Variants in EPHA6 observed in about 807,000 individuals in gnomAD.
EPHA6 encodes EPH receptor A6.
A neutral mutation model predicts 112.0 loss-of-function variants in EPHA6; 50 were observed. The observed-to-expected ratio is 0.45, with a 90% CI of 0.36 to 0.56. The LOEUF (loss-of-function observed/expected upper bound fraction) is 0.56, where lower values mean the gene tolerates loss of function less well. Among genes scored for constraint, EPHA6 ranks in the 20% least tolerant of loss-of-function variants. EPHA6 has a pLI of 0.00. For missense variants in EPHA6, 1,280 were observed against 1,417.4 expected (o/e 0.90, Z 1.56); for synonymous variants, 529 against 490.7 (o/e 1.08, Z -1.03).
intron 5 of EPHA6, among the ~76,000 whole-genome samples, chr3:97,379,251 A>G (rs1176790059): frequency 1.3e-5 from 2 of 152,156 alleles, no homozygotes; most frequent in East Asian, 3.9e-4. Context: ...AGCCATGTGG[A>G]ACTGAAAGTC....
chr3:97,022,230 A>G (rs1674972697), intron 3 of EPHA6, among the ~76,000 whole-genome samples: 2 of 152,154 alleles, frequency 1.3e-5, no homozygotes, highest in African/African-American at 2.4e-5. Context: ...GAATATAGCA[A>G]TTGGTGTCTT....
chr3:96,862,665 C>G (rs1421829664), intron 1 of EPHA6, among the ~76,000 whole-genome samples: 2 of 151,764 alleles, frequency 1.3e-5, no homozygotes, highest in Non-Finnish European at 2.9e-5. Flanking sequence ...AGATGATCTT[C>G]TATTATATAC....
chr3:97,386,813 G>T (rs924383424), intron 5 of EPHA6, among the ~76,000 whole-genome samples: 1 of 152,152 alleles, frequency 6.6e-6, no homozygotes, highest in Non-Finnish European at 1.5e-5. Context: ...CCCTGCAACA[G>T]ACTTTCTGCC....
chr3:97,548,070 T>C (rs2092980596), intron 11 of EPHA6, among the ~76,000 whole-genome samples: 1 of 152,194 alleles, frequency 6.6e-6, no homozygotes, highest in African/African-American at 2.4e-5. Context: ...CTGTACCCAC[T>C]GTCCTGCACC....
Position 96,864,840 on chromosome 3 carries a change from C to A in EPHA6, c.386-1985C>A, listed in dbSNP as rs556602309. On this transcript the variant is annotated intron_variant, in intron 1 of 17. Coordinates refer to ENST00000389672, the MANE Select transcript of EPHA6 (RefSeq NM_001080448.3). ...ATGAGACAATAAAGAATATTGAACA[C>A]TGTCTGGATATGTCATTGCATTAAG... 2.6e-5 allele frequency among the ~76,000 whole-genome samples: 4 copies of A among 152,032 alleles called. No individual in the cohort carries two copies. In the East Asian group the frequency reaches 7.8e-4, roughly 30 times the overall value.
chr3:96,970,240 CACACACACACACACACACACACACACAA>C, intron 2 of EPHA6, among the ~76,000 whole-genome samples: 1 of 130,036 alleles, frequency 7.7e-6, no homozygotes, highest in African/African-American at 3.4e-5. Flanking sequence ...CCTCTTCATA[CACACACACACACACACACACACACACAA>C]ACACACACAC....
chr3:97,597,380 G>T (rs1004915330), intron 12 of EPHA6, among the ~76,000 whole-genome samples: 1 of 152,022 alleles, frequency 6.6e-6, no homozygotes, highest in Non-Finnish European at 1.5e-5. Context: ...AATAACAGGA[G>T]AATTATGAAC....
intron 14 of EPHA6, among the ~76,000 whole-genome samples, chr3:97,705,452 C>T (rs1323849159): frequency 6.6e-6 from 1 of 152,170 alleles, no homozygotes; most frequent in Non-Finnish European, 1.5e-5. Flanking sequence ...ACATGATTAG[C>T]ACTGTTGTGA....
chr3:96,938,663 G>C (rs2040746739), intron 2 of EPHA6, among the ~76,000 whole-genome samples: 1 of 151,862 alleles, frequency 6.6e-6, no homozygotes, highest in Admixed American at 6.6e-5. Context: ...GGAGTGGTGA[G>C]AGAGGGCATC....
intron 10 of EPHA6, among the ~76,000 whole-genome samples, chr3:97,507,313 CTCT>C (rs2092273481): frequency 1.3e-5 from 2 of 152,100 alleles, no homozygotes; most frequent in Admixed American, 1.3e-4. Flanking sequence ...TCATAAATAG[CTCT>C]TATTATTTTG....
intron 10 of EPHA6, among the ~76,000 whole-genome samples, chr3:97,501,851 T>A (rs1343803757): frequency 6.6e-6 from 1 of 151,948 alleles, no homozygotes; most frequent in East Asian, 1.9e-4. Flanking sequence ...AAACAGTAAA[T>A]GGTGGTCAAG....
At chr3:97,665,309 A>G (rs1340086260) in intron 14 of EPHA6, among the ~76,000 whole-genome samples, 1 of 152,246 alleles carries the variant, frequency 6.6e-6, no homozygotes. Flanking sequence ...ACCTTATACA[A>G]AAAAGTAATT....
chr3:96,865,358 A>G, intron 1 of EPHA6, among the ~76,000 whole-genome samples: 1 of 151,966 alleles, frequency 6.6e-6, no homozygotes, highest in South Asian at 2.1e-4. Context: ...CAAATAACAT[A>G]CTCACAATTG....
chr3:96,907,067 C>T (rs1435498331), intron 2 of EPHA6, among the ~76,000 whole-genome samples: 2 of 151,650 alleles, frequency 1.3e-5, no homozygotes, highest in East Asian at 3.9e-4. Flanking sequence ...TTGTCCTACT[C>T]TCCTGATGAA....
chr3:97,418,170 A>G (rs1482546968), intron 6 of EPHA6, among the ~76,000 whole-genome samples: 1 of 151,396 alleles, frequency 6.6e-6, no homozygotes, highest in Non-Finnish European at 1.5e-5. Context: ...AACTCAATAA[A>G]TAGATACACA....
intron 1 of EPHA6, among the ~76,000 whole-genome samples, chr3:96,816,788 T>C (rs1345377788): frequency 1.3e-5 from 2 of 152,066 alleles, no homozygotes; most frequent in African/African-American, 2.4e-5. Context: ...TGCCAAAATA[T>C]GTCCTGTTAA....
chr3:97,250,223 T>G (rs2079096605), intron 5 of EPHA6, among the ~76,000 whole-genome samples: 1 of 152,234 alleles, frequency 6.6e-6, no homozygotes, highest in South Asian at 2.1e-4. Context: ...AATTTCATGT[T>G]CACTAAATCC....
chr3:97,416,272 C>A (rs1265125057), intron 6 of EPHA6, among the ~76,000 whole-genome samples: 1 of 152,016 alleles, frequency 6.6e-6, no homozygotes, highest in Non-Finnish European at 1.5e-5. Context: ...TCCTTCACAC[C>A]ATGCTGTTTC....
At chr3:97,152,486 G>A (rs1229144398) in intron 3 of EPHA6, among the ~76,000 whole-genome samples, 3 of 150,632 alleles carry the variant, frequency 2.0e-5, no homozygotes, top group South Asian at 2.1e-4. Flanking sequence ...GAAAAGAAAG[G>A]AAAATATTAC....
Sources: allele counts gnomAD v4.1 joint callset (sites outside exome capture counted in the v4.1 genomes callset), GRCh38; gene constraint gnomAD v4.1.1; transcripts MANE v1.5; gene names NCBI Gene and HGNC (gene_info 2026-07-23, HGNC 2026-07-21).